SPATA16: variants seen among roughly 807,000 people sequenced by gnomAD.
The protein encoded by SPATA16 is spermatogenesis-associated protein 16.
A neutral mutation model predicts 63.3 loss-of-function variants in SPATA16; 36 were observed. That is an observed-to-expected ratio of 0.57 (90% CI 0.44 to 0.75). The LOEUF is 0.75. Ranked by LOEUF, SPATA16 falls within the 30% of genes least tolerant of loss-of-function variation. The pLI is 0.00. For missense variants in SPATA16, 646 were observed against 679.3 expected, an observed-to-expected ratio of 0.95 and a Z score of 0.54; for synonymous variants, 203 against 216.7, an observed-to-expected ratio of 0.94 and a Z score of 0.56.
chr3:172,900,194 C>T (rs1340648588), intron 10 of SPATA16, among the ~76,000 whole-genome samples: 1 of 152,112 alleles, frequency 6.6e-6, no homozygotes, highest in Non-Finnish European at 1.5e-5. Context: ...AAGATGTTTG[C>T]ATTGGGTTGG....
intron 6 of SPATA16, among the ~76,000 whole-genome samples, chr3:172,939,696 C>T (rs1291491089): frequency 1.3e-5 from 2 of 152,168 alleles, no homozygotes. Flanking sequence ...TCCCCAGTTC[C>T]TGACACAGCT....
chr3:173,014,667 CA>C (rs1324953083), intron 4 of SPATA16, among the ~76,000 whole-genome samples: 2 of 152,136 alleles, frequency 1.3e-5, no homozygotes, highest in Non-Finnish European at 2.9e-5. Context: ...CTTGAAGATT[CA>C]AAAAATCTGC....
At chr3:172,966,368 T>G (rs556032153) in intron 5 of SPATA16, among the ~76,000 whole-genome samples, 1 of 152,320 alleles carries the variant, frequency 6.6e-6, no homozygotes, top group East Asian at 1.9e-4. Flanking sequence ...AATATGATAT[T>G]TTCCATCCCT....
intron 1 of SPATA16, 127 bp from the exon 2 acceptor site, chr3:173,117,876 CTG>C (rs1243862172): frequency 7.0e-7 from 1 of 1,433,182 alleles, no homozygotes; most frequent in Non-Finnish European, 9.5e-7. Flanking sequence ...GTAAGTAAAA[CTG>C]TATTTACATA....
intron 4 of SPATA16, 74 bp downstream of exon 4, chr3:173,019,412 T>C: frequency 8.2e-7 from 1 of 1,224,852 alleles, no homozygotes; most frequent in Non-Finnish European, 1.2e-6. Context: ...AGTTCTGTTA[T>C]GCTATTACCA....
chr3:172,946,990 C>T (rs757176790), intron 6 of SPATA16, among the ~76,000 whole-genome samples: 60 of 129,358 alleles, frequency 4.6e-4, no homozygotes, highest in Non-Finnish European at 8.7e-4. Flanking sequence ...GGCAGCTCAG[C>T]GCAGAGAGAG....
chr3:172,911,221 A>G (rs1732365886), intron 10 of SPATA16, among the ~76,000 whole-genome samples: 1 of 152,164 alleles, frequency 6.6e-6, no homozygotes, highest in Admixed American at 6.5e-5. Context: ...TGCAAACTAC[A>G]TCCATTACTA....
At chr3:172,954,736 C>T (rs752577268) in intron 6 of SPATA16, among the ~76,000 whole-genome samples, 3 of 152,186 alleles carry the variant, frequency 2.0e-5, no homozygotes, top group Non-Finnish European at 4.4e-5. Flanking sequence ...ACAGTTCTTT[C>T]ACCATTATTC....
At chr3:173,004,505 C>A (rs778244131) in intron 4 of SPATA16, among the ~76,000 whole-genome samples, 1 of 151,530 alleles carries the variant, frequency 6.6e-6, no homozygotes, top group Non-Finnish European at 1.5e-5. Context: ...CTTAAATCAG[C>A]CAGAGTCTTG....
chr3:173,096,739 T>C (rs918555984), intron 2 of SPATA16, among the ~76,000 whole-genome samples: 3 of 152,116 alleles, frequency 2.0e-5, no homozygotes, highest in Non-Finnish European at 2.9e-5. Flanking sequence ...CCAGCAGATA[T>C]ATCTGTATTC....
chr3:172,948,191 A>C (rs1388674976), intron 6 of SPATA16, among the ~76,000 whole-genome samples: 2 of 152,302 alleles, frequency 1.3e-5, no homozygotes, highest in Middle Eastern at 3.4e-3. Flanking sequence ...TTAATAATCA[A>C]ATTCCCAAAG....
At chr3:173,050,061 A>C (rs1014533736) in intron 2 of SPATA16, among the ~76,000 whole-genome samples, 2 of 152,302 alleles carry the variant, frequency 1.3e-5, no homozygotes, top group East Asian at 3.9e-4. Flanking sequence ...CCTTCAGTAT[A>C]AAATTTATTG....
intron 10 of SPATA16, among the ~76,000 whole-genome samples, chr3:172,911,260 C>T (rs562707017): frequency 2.6e-5 from 4 of 152,276 alleles, no homozygotes; most frequent in Admixed American, 1.3e-4. Flanking sequence ...CCCATAGCAC[C>T]GGTGGGTCAG....
At chr3:173,026,022 T>C (rs1195029254) in intron 3 of SPATA16, among the ~76,000 whole-genome samples, 1 of 152,034 alleles carries the variant, frequency 6.6e-6, no homozygotes, top group African/African-American at 2.4e-5. Flanking sequence ...AGTTGTACTA[T>C]CCTGCATTCT....
At chr3:173,058,197 A>G (rs1166030552) in intron 2 of SPATA16, among the ~76,000 whole-genome samples, 1 of 152,096 alleles carries the variant, frequency 6.6e-6, no homozygotes, top group Non-Finnish European at 1.5e-5. Context: ...ATATATCATG[A>G]ACATTTTCAT....
At chr3:172,889,714 A>G in intron 10 of SPATA16, 22 bp from the exon 11 acceptor site, 1 of 1,611,292 alleles carries the variant, frequency 6.2e-7, no homozygotes, top group South Asian at 1.1e-5. Context: ...AAACAGATGC[A>G]ACAAGATTTG....
intron 6 of SPATA16, among the ~76,000 whole-genome samples, chr3:172,929,400 A>C (rs974285824): frequency 4.6e-5 from 7 of 152,208 alleles, no homozygotes; most frequent in Non-Finnish European, 1.0e-4. Context: ...ACTTTCACTG[A>C]AAGAGGTAAA....
intron 10 of SPATA16, among the ~76,000 whole-genome samples, chr3:172,905,019 C>T (rs1336409958): frequency 6.6e-6 from 1 of 152,018 alleles, no homozygotes; most frequent in Non-Finnish European, 1.5e-5. Context: ...TTGTCTCCCT[C>T]CCTGCTTGTC....
chr3:172,979,461 A>C (rs150282632), intron 4 of SPATA16, among the ~76,000 whole-genome samples: 1 of 152,266 alleles, frequency 6.6e-6, no homozygotes, highest in African/African-American at 2.4e-5. Context: ...TAAAAGCTAA[A>C]TTGATAAGAA....
Sources: allele counts gnomAD v4.1 joint callset (sites outside exome capture counted in the v4.1 genomes callset), GRCh38; gene constraint gnomAD v4.1.1; transcripts MANE v1.5; gene names NCBI Gene and HGNC (gene_info 2026-07-23, HGNC 2026-07-21).